LRP1B: variants seen among roughly 807,000 people sequenced by gnomAD.
The protein encoded by LRP1B is LDL receptor related protein 1B.
A neutral mutation model predicts 556.6 loss-of-function variants in LRP1B; 217 were observed. That is an observed-to-expected ratio of 0.39 (90% CI 0.35 to 0.44). LRP1B has a LOEUF of 0.44. Among genes scored for constraint, LRP1B ranks in the 20% least tolerant of loss-of-function variants. LRP1B has a pLI of 1.00. For synonymous variants in LRP1B, 2,047 were observed against 1,865.8 expected (o/e 1.10, Z -2.50); for missense variants, 5,053 against 5,620.8 (o/e 0.90, Z 3.23).
At chr2:140,243,357 CAG>C (rs1681031897) in intron 87 of LRP1B, among the ~76,000 whole-genome samples, 1 of 150,916 alleles carries the variant, frequency 6.6e-6, no homozygotes. Flanking sequence ...AAAAGGAAGA[CAG>C]AGTTGCTTCA....
At chr2:140,721,548 T>C (rs1687400467) in intron 35 of LRP1B, among the ~76,000 whole-genome samples, 1 of 90,416 alleles carries the variant, frequency 1.1e-5, no homozygotes, top group Non-Finnish European at 2.4e-5. Context: ...TTTTTTTTTT[T>C]TTTTTTTTTT....
chr2:141,181,932 C>A (rs1056600371), intron 7 of LRP1B, among the ~76,000 whole-genome samples: 3 of 151,920 alleles, frequency 2.0e-5, no homozygotes, highest in Admixed American at 1.3e-4. Flanking sequence ...TTTGAATGAG[C>A]CTTTGAACCG....
In LRP1B at chr2:140,667,887, C is replaced by T. The variant is rs114020382; in HGVS notation, c.6799+32363G>A. On this transcript the variant is annotated intron_variant, in intron 41 of 90. Coordinates refer to ENST00000389484, the MANE Select transcript of LRP1B (RefSeq NM_018557.3). Reference sequence around the variant, plus strand: ...AAAGTTCCTGAAGTCACAAATCATACTGTGTTCTTTTGGGGGTCTCCTTTA... The same window carrying T: ...AAAGTTCCTGAAGTCACAAATCATATTGTGTTCTTTTGGGGGTCTCCTTTA... Among the ~76,000 whole-genome samples, 1,405 of 152,264 alleles carry T rather than the reference C, an allele frequency of 9.2e-3. 23 individuals are homozygous for T. Among genetic ancestry groups the T allele is most frequent in the African/African-American group, 0.032 (1,312 of 41,554 alleles).
intron 41 of LRP1B, among the ~76,000 whole-genome samples, chr2:140,648,494 T>C (rs1189445215): frequency 6.6e-6 from 1 of 152,032 alleles, no homozygotes; most frequent in Admixed American, 6.6e-5. Flanking sequence ...TGGTACTGAG[T>C]TGTGAAATAC....
chr2:140,352,132 C>A (rs945968306), intron 76 of LRP1B, among the ~76,000 whole-genome samples: 3 of 152,012 alleles, frequency 2.0e-5, no homozygotes. Context: ...TCTATACCTA[C>A]AATTGCCCAG....
chr2:140,833,920 C>T (rs971932998), intron 31 of LRP1B, among the ~76,000 whole-genome samples: 3 of 152,162 alleles, frequency 2.0e-5, no homozygotes, highest in African/African-American at 7.2e-5. Context: ...TCTACACTAA[C>T]ATGACTTTAC....
At chr2:140,791,923 C>G (rs1199500988) in intron 32 of LRP1B, among the ~76,000 whole-genome samples, 1 of 152,114 alleles carries the variant, frequency 6.6e-6, no homozygotes, top group Non-Finnish European at 1.5e-5. Context: ...TTTTTTCTAC[C>G]TGAAAGTAGG....
intron 2 of LRP1B, among the ~76,000 whole-genome samples, chr2:141,494,212 A>T (rs1683435924): frequency 6.6e-6 from 1 of 152,148 alleles, no homozygotes; most frequent in African/African-American, 2.4e-5. Flanking sequence ...ACCATATGGT[A>T]CAAGGATCTG....
chr2:141,597,119 G>A (rs1418338065), intron 2 of LRP1B, among the ~76,000 whole-genome samples: 3 of 151,376 alleles, frequency 2.0e-5, no homozygotes, highest in Non-Finnish European at 4.4e-5. Context: ...TGCCATTACT[G>A]TAGAAACTTT....
chr2:140,601,079 A>G (rs1010290142), intron 42 of LRP1B, among the ~76,000 whole-genome samples: 27 of 81,274 alleles, frequency 3.3e-4, no homozygotes, highest in African/African-American at 1.0e-3. Flanking sequence ...TTACTTGATT[A>G]AAATGCAAAA....
chr2:141,621,777 G>A lies in LRP1B; in HGVS notation c.206-141244C>T, dbSNP rs561938991. ...GGGTTTGATGTGAAAATAAAAGAAT[G>A]GGGAAAAGATTTTAGAGGAATAAGA... On this transcript the variant is annotated intron_variant, in intron 2 of 90. Coordinates refer to ENST00000389484, the MANE Select transcript of LRP1B (RefSeq NM_018557.3). Among the ~76,000 whole-genome samples, 12 of 152,200 alleles carry A rather than the reference G, an allele frequency of 7.9e-5. No homozygotes were observed. In the South Asian group the frequency reaches 2.5e-3, roughly 32 times the overall value.
intron 1 of LRP1B, among the ~76,000 whole-genome samples, chr2:142,022,627 C>CTTTTA (rs142726839): frequency 0.07 from 10,589 of 151,982 alleles, 453 homozygotes; most frequent in East Asian, 0.17. Context: ...AATCTCATTA[C>CTTTTA]TTTTATTTTA....
chr2:140,240,847 T>C (rs979691616), intron 87 of LRP1B, among the ~76,000 whole-genome samples: 6 of 150,960 alleles, frequency 4.0e-5, no homozygotes, highest in African/African-American at 1.5e-4. Context: ...AAATTAATGG[T>C]GATATGCACA....
intron 20 of LRP1B, among the ~76,000 whole-genome samples, chr2:140,939,768 A>T (rs1695340790): frequency 6.6e-6 from 1 of 151,768 alleles, no homozygotes; most frequent in African/African-American, 2.4e-5. Context: ...ATGAAAATCC[A>T]AACATTTAAG....
At chr2:140,714,185 T>A (rs912180213) in intron 37 of LRP1B, among the ~76,000 whole-genome samples, 1 of 152,152 alleles carries the variant, frequency 6.6e-6, no homozygotes, top group African/African-American at 2.4e-5. Context: ...TCTACAAGTG[T>A]CTTTCATATG....
At chr2:141,185,698 A>C (rs1335313798) in intron 7 of LRP1B, among the ~76,000 whole-genome samples, 50 of 120,342 alleles carry the variant, frequency 4.2e-4, no homozygotes, top group African/African-American at 6.8e-4. Context: ...AAAAAAAAAC[A>C]AAAAAAAAAA....
intron 3 of LRP1B, among the ~76,000 whole-genome samples, chr2:141,458,196 A>G (rs1681705766): frequency 6.6e-6 from 1 of 152,212 alleles, no homozygotes; most frequent in African/African-American, 2.4e-5. Flanking sequence ...AGGCTTCTAT[A>G]ATAAAAATAA....
intron 1 of LRP1B, among the ~76,000 whole-genome samples, chr2:141,888,485 C>T (rs1312781509): frequency 6.6e-6 from 1 of 152,162 alleles, no homozygotes; most frequent in Non-Finnish European, 1.5e-5. Context: ...CCTGGATTTT[C>T]ACCAGGGCTA....
Position 140,980,861 on chromosome 2 carries a change from G to A in LRP1B, c.2887+1299C>T, listed in dbSNP as rs1292560231. Among the ~76,000 whole-genome samples, 9 of 152,166 alleles carry A rather than the reference G, an allele frequency of 5.9e-5. No individual in the cohort carries two copies. The East Asian group carries it at 1.3e-3, about 23-fold the overall frequency. On this transcript the variant is annotated intron_variant, in intron 18 of 90. Transcript: ENST00000389484. The stretch of plus-strand genomic sequence containing the variant: ...CAACCTTAGTGCCCATCCAACCAAC[G>A]CCTGGATAAAGAAAATGTAGTATAT...
Sources: allele counts gnomAD v4.1 joint callset (sites outside exome capture counted in the v4.1 genomes callset), GRCh38; gene constraint gnomAD v4.1.1; transcripts MANE v1.5; gene names NCBI Gene and HGNC (gene_info 2026-07-23, HGNC 2026-07-21).